Variants in CMIP observed in about 807,000 individuals in gnomAD.
CMIP encodes the protein c-Maf inducing protein.
Under a neutral mutation model 97.3 loss-of-function variants are expected in CMIP, and 13 were observed. The ratio of observed to expected loss-of-function variants is 0.13; its 90% CI spans 0.09 to 0.21. The LOEUF (loss-of-function observed/expected upper bound fraction) is 0.21, where lower values mean the gene tolerates loss of function less well. Among genes scored for constraint, CMIP ranks in the 10% least tolerant of loss-of-function variants. CMIP has a pLI of 1.00. For missense variants in CMIP, 847 were observed against 1,024.9 expected, an observed-to-expected ratio of 0.83 and a Z score of 2.37; for synonymous variants, 538 against 436.3, an observed-to-expected ratio of 1.23 and a Z score of -2.91.
At chr16:81,699,832 T>C (rs751678369) in intron 15 of CMIP, 31 bp downstream of exon 15, 5 of 1,466,904 alleles carry the variant, frequency 3.4e-6, no homozygotes, top group Non-Finnish European at 4.7e-6. Flanking sequence ...CCTGGTGGGG[T>C]GGCTGGCTCC....
At chr16:81,706,220 G>A (rs1908121811) in intron 19 of CMIP, among the ~76,000 whole-genome samples, 5 of 152,230 alleles carry the variant, frequency 3.3e-5, no homozygotes, top group Non-Finnish European at 7.3e-5. Flanking sequence ...CAGGCCCACT[G>A]CTTTAGACGG....
chr16:81,557,485 G>A (rs955640694), intron 1 of CMIP, among the ~76,000 whole-genome samples: 1 of 152,172 alleles, frequency 6.6e-6, no homozygotes, highest in African/African-American at 2.4e-5. Flanking sequence ...GGAGTATAAT[G>A]TGATAATTTA....
intron 1 of CMIP, among the ~76,000 whole-genome samples, chr16:81,586,954 G>C (rs540019467): frequency 2.6e-5 from 4 of 152,196 alleles, no homozygotes; most frequent in Non-Finnish European, 5.9e-5. Flanking sequence ...GGGGTGTTCC[G>C]GAATTCTAGG....
At chr16:81,589,040 C>G (rs2091426560) in intron 1 of CMIP, among the ~76,000 whole-genome samples, 1 of 152,100 alleles carries the variant, frequency 6.6e-6, no homozygotes. Flanking sequence ...AGGCCATAAA[C>G]ATATTCCGGT....
At chr16:81,539,426 C>A (rs1053567078) in intron 1 of CMIP, among the ~76,000 whole-genome samples, 1 of 152,142 alleles carries the variant, frequency 6.6e-6, no homozygotes, top group African/African-American at 2.4e-5. Context: ...ACACAAGGGC[C>A]GTTTGAAGCA....
intron 1 of CMIP, among the ~76,000 whole-genome samples, chr16:81,469,359 T>A (rs773369925): frequency 2.0e-5 from 3 of 152,262 alleles, no homozygotes; most frequent in Non-Finnish European, 4.4e-5. Flanking sequence ...TTCACCTCTC[T>A]GAGCTTTTGT....
chr16:81,544,016 G>T (rs1264991703), intron 1 of CMIP, among the ~76,000 whole-genome samples: 1 of 152,238 alleles, frequency 6.6e-6, no homozygotes, highest in Non-Finnish European at 1.5e-5. Context: ...CCTGGCATGA[G>T]AAATCTCCAT....
intron 1 of CMIP, 50 bp downstream of exon 1, chr16:81,445,591 T>A (rs1350909785): frequency 6.6e-7 from 1 of 1,515,192 alleles, no homozygotes; most frequent in Non-Finnish European, 8.8e-7. Flanking sequence ...GGGCCCGAGA[T>A]GCGCCCTCCC....
intron 2 of CMIP, among the ~76,000 whole-genome samples, chr16:81,612,802 G>C (rs141523154): frequency 2.8e-4 from 42 of 152,046 alleles, no homozygotes; most frequent in African/African-American, 9.9e-4. Context: ...TCCCATGTCT[G>C]AATGGATTCT....
chr16:81,610,527 C>T (rs544092231), intron 2 of CMIP: 1 of 985,530 alleles, frequency 1.0e-6, no homozygotes, highest in East Asian at 1.1e-4. Flanking sequence ...ACCCTTCCCC[C>T]AAGGGGAACC....
At chr16:81,482,828 G>A (rs144116461) in intron 1 of CMIP, among the ~76,000 whole-genome samples, 13 of 152,380 alleles carry the variant, frequency 8.5e-5, no homozygotes, top group African/African-American at 3.1e-4. Flanking sequence ...AAATGGGGGT[G>A]AGATAGGGCC....
At chr16:81,612,215 C>A (rs1305083851) in intron 2 of CMIP, among the ~76,000 whole-genome samples, 1 of 152,110 alleles carries the variant, frequency 6.6e-6, no homozygotes, top group Non-Finnish European at 1.5e-5. Context: ...GGGATTCTGC[C>A]TAAAAATTGA....
At chr16:81,554,549 G>C (rs1231644843) in intron 1 of CMIP, among the ~76,000 whole-genome samples, 1 of 152,226 alleles carries the variant, frequency 6.6e-6, no homozygotes, top group Non-Finnish European at 1.5e-5. Flanking sequence ...GAAGTTTGCA[G>C]AATCCCAGAC....
intron 2 of CMIP, 31 bp downstream of exon 2, chr16:81,607,723 C>A (rs750607715): frequency 1.2e-6 from 2 of 1,608,078 alleles, no homozygotes; most frequent in African/African-American, 2.7e-5. Context: ...CAAGCAGTTT[C>A]TTCTCCCTCA....
At chr16:81,501,436 C>T (rs547603464) in intron 1 of CMIP, among the ~76,000 whole-genome samples, 4 of 152,252 alleles carry the variant, frequency 2.6e-5, no homozygotes, top group African/African-American at 7.2e-5. Context: ...GCTCCTTGCA[C>T]TCCTTCTTAC....
intron 1 of CMIP, among the ~76,000 whole-genome samples, chr16:81,590,704 C>T (rs1038702992): frequency 7.2e-5 from 11 of 152,208 alleles, no homozygotes; most frequent in South Asian, 2.1e-4. Context: ...CTCAGTAGGA[C>T]CCAGTCCTGG....
intron 1 of CMIP, among the ~76,000 whole-genome samples, chr16:81,531,873 C>T (rs2090242710): frequency 6.6e-6 from 1 of 152,216 alleles, no homozygotes; most frequent in African/African-American, 2.4e-5. Flanking sequence ...TGTTGATTAT[C>T]TCACCTCCAT....
intron 1 of CMIP, among the ~76,000 whole-genome samples, chr16:81,606,009 C>G (rs187040225): frequency 1.3e-5 from 2 of 152,352 alleles, no homozygotes; most frequent in Admixed American, 6.5e-5. Context: ...CTCTCTACCT[C>G]CACCCCCATC....
At chr16:81,704,755 C>T (rs1019645481) in intron 18 of CMIP, among the ~76,000 whole-genome samples, 13 of 142,916 alleles carry the variant, frequency 9.1e-5, no homozygotes, top group Non-Finnish European at 1.7e-4. Flanking sequence ...GCTTCCCTGC[C>T]TACACCCCAG....
Sources: allele counts gnomAD v4.1 joint callset (sites outside exome capture counted in the v4.1 genomes callset), GRCh38; gene constraint gnomAD v4.1.1; transcripts MANE v1.5; gene names NCBI Gene and HGNC (gene_info 2026-07-23, HGNC 2026-07-21).